The following CACHD1 variants were observed in gnomAD, a reference collection of about 807,000 sequenced individuals.
CACHD1 encodes the protein cache domain containing 1.
CACHD1 carries 71 observed loss-of-function variants against 138.7 expected under a neutral mutation model. That is an observed-to-expected ratio of 0.51 (90% CI 0.42 to 0.62). The LOEUF is 0.62. Ranked by LOEUF, CACHD1 falls within the 20% of genes least tolerant of loss-of-function variation. CACHD1 has a pLI of 0.00. For synonymous variants in CACHD1, 578 were observed against 591.5 expected, an observed-to-expected ratio of 0.98 and a Z score of 0.33; for missense variants, 1,389 against 1,625.3, an observed-to-expected ratio of 0.85 and a Z score of 2.50.
At chr1:64,676,299 G>A (rs1209689230) in intron 21 of CACHD1, among the ~76,000 whole-genome samples, 1 of 152,136 alleles carries the variant, frequency 6.6e-6, no homozygotes, top group Non-Finnish European at 1.5e-5. Flanking sequence ...TGCACATTAA[G>A]TCACTTAGTG....
intron 2 of CACHD1, among the ~76,000 whole-genome samples, chr1:64,568,818 T>G (rs1350152555): frequency 6.6e-6 from 1 of 152,214 alleles, no homozygotes; most frequent in Non-Finnish European, 1.5e-5. Context: ...ATGTATTGTA[T>G]TAACCATGTA....
intron 4 of CACHD1, among the ~76,000 whole-genome samples, chr1:64,603,857 T>G (rs766415212): frequency 3.3e-5 from 5 of 152,186 alleles, no homozygotes; most frequent in Non-Finnish European, 5.9e-5. Context: ...TTGATACATC[T>G]CAGAACCTAG....
At chr1:64,566,788 C>A in intron 2 of CACHD1, among the ~76,000 whole-genome samples, 1 of 151,000 alleles carries the variant, frequency 6.6e-6, no homozygotes. Context: ...TTAAAACATG[C>A]AACAATATTG....
intron 26 of CACHD1, among the ~76,000 whole-genome samples, chr1:64,689,028 C>T (rs903466111): frequency 8.3e-4 from 126 of 152,262 alleles, no homozygotes; most frequent in African/African-American, 2.8e-3. Flanking sequence ...GTAGGCCTCT[C>T]AGGAGCTGAG....
intron 2 of CACHD1, among the ~76,000 whole-genome samples, chr1:64,551,439 A>G (rs1428206889): frequency 6.6e-6 from 1 of 152,188 alleles, no homozygotes; most frequent in Non-Finnish European, 1.5e-5. Context: ...GAATCCACCA[A>G]CTTCATTACA....
chr1:64,691,259 A>G lies in CACHD1; in HGVS notation c.3587-64A>G, dbSNP rs1023856414. ...TACCTCCCAGTGCCCTAGAAATTGT[A>G]GGTGAAATCTTCTGTCTGCGTCTTG... On this transcript the variant is annotated intron_variant, in intron 26 of 26. Transcript: ENST00000651257. 12 of 1,465,912 alleles carry G rather than the reference A, an allele frequency of 8.2e-6. No homozygotes were observed. In the African/African-American group the frequency reaches 1.3e-4, roughly 15 times the overall value. 90.8% of individuals were successfully genotyped at this position (1,465,912 alleles called of 1,614,324 possible). A position where few individuals can be genotyped will look rare whatever the true frequency, so the allele number is the denominator to read the frequency against.
At chr1:64,556,973 G>A (rs1196623714) in intron 2 of CACHD1, among the ~76,000 whole-genome samples, 1 of 152,120 alleles carries the variant, frequency 6.6e-6, no homozygotes, top group Non-Finnish European at 1.5e-5. Flanking sequence ...CAAAAAATTA[G>A]CCGGGCGTGG....
intron 2 of CACHD1, among the ~76,000 whole-genome samples, chr1:64,579,521 C>T (rs1646995090): frequency 6.6e-6 from 1 of 151,868 alleles, no homozygotes; most frequent in African/African-American, 2.4e-5. Context: ...ACATTTATTC[C>T]CAAGGGCAAT....
At position 64,550,100 on chromosome 1, in the gene CACHD1, T is replaced by G. The variant is rs1034537837; in HGVS notation, c.199-494T>G. 2.0e-5 allele frequency among the ~76,000 whole-genome samples: 3 copies of G among 152,172 alleles called. 1 individual carries two copies. The highest frequency in any genetic ancestry group is 2.0e-4 in the Admixed American group (3 of 15,268). Reference sequence around the variant, plus strand: ...TCCACACATATTTGGCAAGCCCTATTATGTTACTCTCCTGACGGGGTACTT... The same window carrying G: ...TCCACACATATTTGGCAAGCCCTATGATGTTACTCTCCTGACGGGGTACTT... On this transcript the variant is annotated intron_variant, in intron 1 of 26. Transcript: ENST00000651257.
Position 64,673,390 on chromosome 1 carries a change from G to A in CACHD1, c.2653G>A (p.Val885Ile). ...TGATATCCTCAACCACCCCAACTTT[G>A]TAAAGAAAAACCTGTGCAACAGCTT... ...ANDILNHPNFVKKNLCNSFSD... is the reference protein window; with the variant it reads ...ANDILNHPNFIKKNLCNSFSD... Residue 885 changes from valine (V) to isoleucine (I), a missense_variant, in exon 19 of 27, where the codon GTA becomes ATA. This residue lies in a region of CACHD1 where 1,000 missense variants were observed against 1,114.7 expected (regional missense o/e 0.90). Transcript: ENST00000651257. The A allele has an allele frequency of 6.2e-7, 1 of 1,614,086 alleles. No individual in the cohort carries two copies. Among genetic ancestry groups the A allele is most frequent in the South Asian group, 1.1e-5 (1 of 91,082 alleles).
At chr1:64,543,083 A>G (rs1406335534) in intron 1 of CACHD1, among the ~76,000 whole-genome samples, 1 of 152,094 alleles carries the variant, frequency 6.6e-6, no homozygotes, top group Non-Finnish European at 1.5e-5. Context: ...TTTTATATAA[A>G]CATGCTTTTA....
intron 4 of CACHD1, among the ~76,000 whole-genome samples, chr1:64,624,495 T>A (rs764269939): frequency 6.6e-6 from 1 of 152,120 alleles, no homozygotes; most frequent in Admixed American, 6.5e-5. Context: ...TGGAGAACAG[T>A]GCTAATGTGA....
intron 1 of CACHD1, among the ~76,000 whole-genome samples, chr1:64,549,052 GT>G (rs1167233820): frequency 1.3e-5 from 2 of 152,106 alleles, no homozygotes; most frequent in African/African-American, 2.4e-5. Flanking sequence ...CAGACCCTTA[GT>G]TTTTCATCTT....
intron 2 of CACHD1, among the ~76,000 whole-genome samples, chr1:64,577,207 A>G (rs533463711): frequency 1.3e-5 from 2 of 152,134 alleles, no homozygotes; most frequent in South Asian, 4.2e-4. Flanking sequence ...CAGCCTCCCA[A>G]AGTGTTGGGA....
intron 4 of CACHD1, among the ~76,000 whole-genome samples, chr1:64,606,296 C>G (rs1228395532): frequency 1.3e-5 from 2 of 152,104 alleles, no homozygotes; most frequent in African/African-American, 4.8e-5. Context: ...CTTACTATTT[C>G]ATCTAAGGGT....
rs547722657 is a variant in CACHD1 at position 64,651,159 on chromosome 1, T to TA, written c.1391-995dup. The stretch of plus-strand genomic sequence containing the variant: ...TATATTTTGAAAAGGTTATTTTTTA[T>TA]AAAAAAACAACAACAAAAATTATGC... On this transcript the variant is annotated intron_variant, in intron 9 of 26. Coordinates refer to ENST00000651257, the MANE Select transcript of CACHD1 (RefSeq NM_020925.4). 3.0e-4 allele frequency among the ~76,000 whole-genome samples: 45 copies of TA among 152,138 alleles called. No homozygotes were observed. In the East Asian group the frequency reaches 3.9e-3, roughly 13 times the overall value.
At chr1:64,580,811 A>G (rs4915988) in intron 2 of CACHD1, among the ~76,000 whole-genome samples, 42,376 of 152,012 alleles carry the variant, frequency 0.28, 6,072 homozygotes, top group Middle Eastern at 0.36. Flanking sequence ...AAGTTGTGAC[A>G]ATCAAAATTT....
chr1:64,679,856 C>A, intron 24 of CACHD1, 100 bp downstream of exon 24: 1 of 1,319,162 alleles, frequency 7.6e-7, no homozygotes, highest in Non-Finnish European at 1.0e-6. Flanking sequence ...CAGTGCTATA[C>A]TTTCAGCTTC....
intron 8 of CACHD1, among the ~76,000 whole-genome samples, chr1:64,643,584 C>T (rs546796598): frequency 3.2e-4 from 48 of 152,272 alleles, no homozygotes; most frequent in Admixed American, 1.0e-3. Context: ...TGCCTGTAAT[C>T]CCAGCACTTT....
Sources: gnomAD v4.1 joint callset for allele counts (sites outside exome capture counted in the v4.1 genomes callset) on GRCh38, gnomAD v4.1.1 for gene constraint, gnomAD v4.1.1 regional missense constraint, MANE v1.5 for transcripts, NCBI Gene and HGNC (gene_info 2026-07-23, HGNC 2026-07-21) for gene names.